CPEB3: variants seen among roughly 807,000 people sequenced by gnomAD.
CPEB3 encodes cytoplasmic polyadenylation element-binding protein 3.
In CPEB3, 20 loss-of-function variants were observed where a neutral mutation model predicts 67.2. The ratio of observed to expected loss-of-function variants is 0.30; its 90% CI spans 0.21 to 0.43. The LOEUF (loss-of-function observed/expected upper bound fraction) is 0.43, where lower values mean the gene tolerates loss of function less well. CPEB3 is among the 20% of genes least tolerant of loss of function. The probability of loss-of-function intolerance (pLI) is 1.00; values close to 1 mark genes in which losing one functional copy is unlikely to be tolerated. For missense variants in CPEB3, 746 were observed against 968.6 expected (o/e 0.77, Z 3.05); for synonymous variants, 376 against 393.1 (o/e 0.96, Z 0.51).
chr10:92,112,437 G>A (rs181739900), intron 6 of CPEB3, among the ~76,000 whole-genome samples: 35 of 152,216 alleles, frequency 2.3e-4, no homozygotes, highest in African/African-American at 8.4e-4. Flanking sequence ...GAGCCACCAC[G>A]CCCGGCCCCA....
chr10:92,183,307 C>A (rs977049712), intron 3 of CPEB3, among the ~76,000 whole-genome samples: 1 of 152,078 alleles, frequency 6.6e-6, no homozygotes, highest in East Asian at 1.9e-4. Flanking sequence ...AATTGTTCTA[C>A]GTGCCTTACG....
intron 2 of CPEB3, among the ~76,000 whole-genome samples, chr10:92,212,280 G>T (rs1392156529): frequency 7.0e-6 from 1 of 143,170 alleles, no homozygotes; most frequent in Non-Finnish European, 1.5e-5. Context: ...GGTACAACAA[G>T]ACAGTGTACA....
chr10:92,250,858 A>ATTTTTTTTTTTTTTTTTTTTTT (rs1211646953), intron 1 of CPEB3, among the ~76,000 whole-genome samples: 1 of 104,120 alleles, frequency 9.6e-6, no homozygotes, highest in Non-Finnish European at 1.9e-5. Flanking sequence ...CACACAGTTA[A>ATTTTTTTTTTTTTTTTTTTTTT]TTTTTTTTTT....
At chr10:92,226,847 G>A (rs1474805696) in intron 2 of CPEB3, among the ~76,000 whole-genome samples, 2 of 151,818 alleles carry the variant, frequency 1.3e-5, no homozygotes, top group African/African-American at 4.8e-5. Context: ...AGGGGCCTGT[G>A]GGGGTGGGGG....
At chr10:92,241,989 G>A (rs1019928844) in intron 1 of CPEB3, among the ~76,000 whole-genome samples, 2 of 152,146 alleles carry the variant, frequency 1.3e-5, no homozygotes, top group African/African-American at 4.8e-5. Flanking sequence ...CAGAAGCTCT[G>A]CCTCTAGACA....
chr10:92,081,783 G>A (rs1843163320), intron 8 of CPEB3, among the ~76,000 whole-genome samples: 1 of 152,142 alleles, frequency 6.6e-6, no homozygotes, highest in African/African-American at 2.4e-5. Flanking sequence ...TGAACTACCA[G>A]TAATCCTGTT....
At chr10:92,188,714 C>A (rs1403266820) in intron 3 of CPEB3, among the ~76,000 whole-genome samples, 4 of 151,674 alleles carry the variant, frequency 2.6e-5, no homozygotes, top group Admixed American at 2.0e-4. Flanking sequence ...AGCCAGACTC[C>A]GTCTCAGAAA....
intron 2 of CPEB3, among the ~76,000 whole-genome samples, chr10:92,218,932 T>C (rs1850568582): frequency 6.6e-6 from 1 of 152,260 alleles, no homozygotes; most frequent in East Asian, 1.9e-4. Flanking sequence ...CATAGACCTA[T>C]AGTGCATAAC....
intron 9 of CPEB3, among the ~76,000 whole-genome samples, chr10:92,074,210 T>C (rs1294407725): frequency 6.6e-6 from 1 of 152,122 alleles, no homozygotes; most frequent in African/African-American, 2.4e-5. Context: ...CCTTCCAAAG[T>C]TCTGGGATTA....
intron 9 of CPEB3, among the ~76,000 whole-genome samples, chr10:92,061,920 C>A (rs570160854): frequency 6.6e-6 from 1 of 152,162 alleles, no homozygotes; most frequent in East Asian, 1.9e-4. Flanking sequence ...ATACCTATAT[C>A]AAAATATCTA....
chr10:92,083,318 T>C (rs1053065526), intron 8 of CPEB3, among the ~76,000 whole-genome samples: 3 of 152,228 alleles, frequency 2.0e-5, no homozygotes, highest in Non-Finnish European at 4.4e-5. Context: ...TGGTCAGAAT[T>C]ACTAAGCCAT....
chr10:92,081,302 C>T lies in CPEB3; in HGVS notation c.1869+18G>A. 6.2e-7 allele frequency: 1 copy of T among 1,614,084 alleles called. No homozygotes were observed. Among genetic ancestry groups the T allele is most frequent in the Admixed American group, 1.7e-5 (1 of 60,010 alleles). On this transcript the variant is annotated intron_variant, in intron 9 of 9. Coordinates refer to ENST00000265997, the MANE Select transcript of CPEB3 (RefSeq NM_014912.5). Reference sequence around the variant, plus strand: ...TCTTTTCTCTCCCATAGCAGTTTCACCCTAAGTAGGTGCTTACCCGTTTGT... The same window carrying T: ...TCTTTTCTCTCCCATAGCAGTTTCATCCTAAGTAGGTGCTTACCCGTTTGT...
At chr10:92,199,983 G>A (rs190830273) in intron 2 of CPEB3, among the ~76,000 whole-genome samples, 1 of 151,382 alleles carries the variant, frequency 6.6e-6, no homozygotes, top group African/African-American at 2.4e-5. Context: ...TCATTCAATG[G>A]TATATTTTAC....
At chr10:92,104,025 G>A (rs1844317362) in intron 7 of CPEB3, among the ~76,000 whole-genome samples, 2 of 152,270 alleles carry the variant, frequency 1.3e-5, no homozygotes, top group South Asian at 2.1e-4. Flanking sequence ...GAATCTGCAC[G>A]AGTATCATCC....
intron 9 of CPEB3, among the ~76,000 whole-genome samples, chr10:92,077,692 G>T (rs1842986372): frequency 6.6e-6 from 1 of 151,846 alleles, no homozygotes; most frequent in African/African-American, 2.4e-5. Context: ...CCAGGAGGTT[G>T]AAGCTGCACT....
intron 9 of CPEB3, among the ~76,000 whole-genome samples, chr10:92,068,864 T>C (rs1842651837): frequency 6.6e-6 from 1 of 152,200 alleles, no homozygotes; most frequent in South Asian, 2.1e-4. Context: ...CTCCCAGTAC[T>C]TCAAAATAAG....
At chr10:92,139,976 G>A (rs1023062833) in intron 6 of CPEB3, among the ~76,000 whole-genome samples, 1 of 151,874 alleles carries the variant, frequency 6.6e-6, no homozygotes, top group Non-Finnish European at 1.5e-5. Flanking sequence ...AGGAGGCTGA[G>A]GCAGGAGAAT....
chr10:92,075,457 A>C (rs1344691031), intron 9 of CPEB3, among the ~76,000 whole-genome samples: 4 of 152,220 alleles, frequency 2.6e-5, no homozygotes, highest in Admixed American at 2.0e-4. Context: ...CTGTGTTCTA[A>C]AACAGATAGT....
chr10:92,057,266 C>CT (rs952671437), intron 9 of CPEB3, among the ~76,000 whole-genome samples: 1 of 152,214 alleles, frequency 6.6e-6, no homozygotes, highest in African/African-American at 2.4e-5. Flanking sequence ...CCAGGCAGTA[C>CT]TTACCACGAG....
Sources: gnomAD v4.1 joint callset for allele counts (sites outside exome capture counted in the v4.1 genomes callset) on GRCh38, gnomAD v4.1.1 for gene constraint, MANE v1.5 for transcripts, NCBI Gene and HGNC (gene_info 2026-07-23, HGNC 2026-07-21) for gene names.